Variants in DOK7 observed in about 807,000 individuals in gnomAD.
DOK7 encodes the protein protein Dok-7.
A neutral mutation model predicts 30.7 loss-of-function variants in DOK7; 32 were observed. That is an observed-to-expected ratio of 1.04 (90% CI 0.79 to 1.40). DOK7 has a LOEUF of 1.40. Ranked by LOEUF, DOK7 falls within the 40% of genes most tolerant of loss-of-function variation. The probability of loss-of-function intolerance (pLI) is 0.00; values close to 1 mark genes in which losing one functional copy is unlikely to be tolerated. For synonymous variants in DOK7, 447 were observed against 324.1 expected (o/e 1.38, Z -4.07); for missense variants, 1,007 against 699.2 (o/e 1.44, Z -4.97).
rs771017173 is a variant in DOK7, at chr4:3,493,370, A to G, written c.1384A>G (p.Ser462Gly). The G allele has an allele frequency of 1.3e-5, 21 of 1,596,378 alleles. No homozygotes were observed. The highest frequency in any genetic ancestry group is 4.0e-5 in the African/African-American group (3 of 74,616). ...RGLVMEAPQG[S>G]EATLPGPAPG... ...CCTGGTGATGGAGGCCCCCCAGGGC[A>G]GCGAGGCCACACTGCCTGGCCCTGC... The change falls in exon 7 of 7, where the codon AGC (serine) becomes GGC (glycine). Residue 462 changes from serine to glycine, a missense_variant. Coordinates refer to ENST00000340083, the MANE Select transcript of DOK7 (RefSeq NM_173660.5).
At chr4:3,496,238 A>C (rs913650182), downstream of DOK7, among the ~76,000 whole-genome samples, 1 of 152,196 alleles carries the variant, frequency 6.6e-6, no homozygotes, top group African/African-American at 2.4e-5. Flanking sequence ...GGCACGGCCC[A>C]CTTCAGAGGC....
At chr4:3,490,178 C>CACATTTACTAAACTCTGGTCTGAGGTGCT (rs1560225965) in intron 6 of DOK7, among the ~76,000 whole-genome samples, 2 of 83,438 alleles carry the variant, frequency 2.4e-5, no homozygotes, top group Non-Finnish European at 4.6e-5. Context: ...TTTCTTCCTC[C>CACATTTACTAAACTCTGGTCTGAGGTGCT]GCCCCCCCCA....
chr4:3,464,488 C>T (rs1259126487), intron 2 of DOK7, among the ~76,000 whole-genome samples: 2 of 152,200 alleles, frequency 1.3e-5, no homozygotes, highest in Non-Finnish European at 2.9e-5. Context: ...GTGGGGGCAC[C>T]GACAGAGCCT....
intron 5 of DOK7, among the ~76,000 whole-genome samples, chr4:3,485,961 T>C (rs1577166344): frequency 6.6e-6 from 1 of 152,046 alleles, no homozygotes; most frequent in Non-Finnish European, 1.5e-5. Context: ...GCTGCCACTG[T>C]GCAGTAAGAG....
At position 3,490,228 on chromosome 4, in the gene DOK7, CTCAT is replaced by C. The variant is rs1248790258; in HGVS notation, c.772+439_772+442del. On this transcript the variant is annotated intron_variant, in intron 6 of 6. Transcript: ENST00000340083. Reference sequence around the variant, plus strand: ...CCTCATTCATTCCTGTCTTCACCCCCTCATTCATTCCTTCCTTTTCTCCCTGCTC... The same window carrying C: ...CCTCATTCATTCCTGTCTTCACCCCCTCATTCCTTCCTTTTCTCCCTGCTC... Among the ~76,000 whole-genome samples the C allele has an allele frequency of 9.2e-4, 99 of 107,910 alleles. 4 individuals carry two copies. In the East Asian group the frequency reaches 0.03, roughly 33 times the overall value. 70.8% of individuals were successfully genotyped at this position (107,910 alleles called of 152,430 possible).
intron 4 of DOK7, among the ~76,000 whole-genome samples, chr4:3,479,655 T>C (rs1727321324): frequency 6.6e-6 from 1 of 152,134 alleles, no homozygotes; most frequent in Non-Finnish European, 1.5e-5. Flanking sequence ...CCCAAGGCGA[T>C]GGCTGCGCCT....
intron 4 of DOK7, among the ~76,000 whole-genome samples, chr4:3,479,747 TG>T (rs1334778525): frequency 6.6e-6 from 1 of 152,090 alleles, no homozygotes; most frequent in African/African-American, 2.4e-5. Flanking sequence ...TGGCTGGTCT[TG>T]GTGCCTGGGG....
In DOK7 at chr4:3,494,418, C is replaced by T. The variant is rs950256979; in HGVS notation, c.*917C>T. On this transcript the variant is annotated 3_prime_UTR_variant, in exon 7 of 7. Transcript: ENST00000340083. ...CTGTGAACACCTCTTTGTCCCTTCA[C>T]TGTCAGCTGTTTCTAAACCCAGACA... 1.6e-4 allele frequency: 158 copies of T among 985,656 alleles called. No homozygotes were observed. Among genetic ancestry groups the T allele is most frequent in the Non-Finnish European group, 1.8e-4 (153 of 830,172 alleles). 61.1% of individuals were successfully genotyped at this position (985,656 alleles called of 1,614,324 possible). A position where few individuals can be genotyped will look rare whatever the true frequency, so the allele number is the denominator to read the frequency against.
chr4:3,490,670 C>CCCTTCCCCGCATTCCTTCCTT (rs1416956908), intron 6 of DOK7, among the ~76,000 whole-genome samples: 2 of 101,792 alleles, frequency 2.0e-5, no homozygotes, highest in Non-Finnish European at 4.0e-5. Flanking sequence ...ATTCATTCCT[C>CCCTTCCCCGCATTCCTTCCTT]CCTTCCCCGC....
At chr4:3,491,330 A>ATTCCTTCCTTCTTCGCCTGCTTG (rs1728413143) in intron 6 of DOK7, among the ~76,000 whole-genome samples, 1 of 47,894 alleles carries the variant, frequency 2.1e-5, no homozygotes, top group Non-Finnish European at 3.8e-5. Flanking sequence ...CTGCTCATTC[A>ATTCCTTCCTTCTTCGCCTGCTTG]TTCCTTCCTT....
At chr4:3,466,548 C>A (rs1009802137) in intron 2 of DOK7, among the ~76,000 whole-genome samples, 1 of 152,314 alleles carries the variant, frequency 6.6e-6, no homozygotes, top group East Asian at 1.9e-4. Flanking sequence ...ATCCCAGCTC[C>A]GGGCTGAAGA....
intron 4 of DOK7, among the ~76,000 whole-genome samples, chr4:3,478,373 A>G (rs1727235895): frequency 6.6e-6 from 1 of 152,148 alleles, no homozygotes; most frequent in South Asian, 2.1e-4. Flanking sequence ...CCCCAGGGCG[A>G]GGCTACTGTG....
At chr4:3,496,702 C>G, downstream of DOK7, 4 of 1,155,320 alleles carry the variant, frequency 3.5e-6, no homozygotes, top group Non-Finnish European at 4.8e-6. Context: ...TGCAGGTGAC[C>G]CAGGTCCCCC....
At chr4:3,468,240 ATGTG>A (rs1193805246) in intron 2 of DOK7, among the ~76,000 whole-genome samples, 236 of 137,832 alleles carry the variant, frequency 1.7e-3, no homozygotes, top group African/African-American at 6.3e-3. Flanking sequence ...GTGGGGGTGT[ATGTG>A]TGCAAGTGTG....
At chr4:3,471,511 C>T (rs1296991667) in intron 2 of DOK7, among the ~76,000 whole-genome samples, 5 of 152,218 alleles carry the variant, frequency 3.3e-5, no homozygotes, top group African/African-American at 1.2e-4. Context: ...GCAGCGATCT[C>T]ACAACACACT....
intron 2 of DOK7, among the ~76,000 whole-genome samples, chr4:3,466,208 C>T (rs1054670250): frequency 1.3e-5 from 2 of 152,172 alleles, no homozygotes; most frequent in East Asian, 1.9e-4. Flanking sequence ...CAAACCTTGC[C>T]CCCCACAGCT....
intron 5 of DOK7, among the ~76,000 whole-genome samples, 154 bp downstream of exon 5, chr4:3,485,812 C>T (rs1442533479): frequency 6.6e-6 from 1 of 152,260 alleles, no homozygotes; most frequent in Non-Finnish European, 1.5e-5. Flanking sequence ...GCCAGGATTG[C>T]AGCCTGGGCT....
intron 2 of DOK7, among the ~76,000 whole-genome samples, chr4:3,466,369 G>A (rs768325187): frequency 4.5e-4 from 68 of 152,110 alleles, no homozygotes; most frequent in Non-Finnish European, 8.8e-4. Flanking sequence ...GGTGCCCCGT[G>A]AGCCCCGGAG....
chr4:3,485,647 C>A lies in DOK7; in HGVS notation c.641C>A (p.Pro214Gln), dbSNP rs147760280. The A allele has an allele frequency of 1.3e-6, 2 of 1,598,912 alleles. No individual in the cohort carries two copies. The highest frequency in any genetic ancestry group is 1.7e-4 in the Middle Eastern group (1 of 6,028). ...SPTKGPFGLR[P>Q]VLPDPSPPGP... The stretch of plus-strand genomic sequence containing the variant: ...ACCAAGGGCCCCTTTGGGCTGCGGC[C>A]GGTTCTACCAGGTGCGTGTGGGAGC... The change falls in exon 5 of 7, where the codon CCG (proline) becomes CAG (glutamine). Residue 214 changes from proline to glutamine, a missense_variant. Transcript: ENST00000340083.
Sources: allele counts gnomAD v4.1 joint callset (sites outside exome capture counted in the v4.1 genomes callset), GRCh38; gene constraint gnomAD v4.1.1; transcripts MANE v1.5; gene names NCBI Gene and HGNC (gene_info 2026-07-23, HGNC 2026-07-21).